The following FAM180A variants were observed in gnomAD, a reference collection of about 807,000 sequenced individuals.
FAM180A encodes family with sequence similarity 180 member A.
A neutral mutation model predicts 15.3 loss-of-function variants in FAM180A; 14 were observed. The ratio of observed to expected loss-of-function variants is 0.92; its 90% CI spans 0.61 to 1.43. The LOEUF (loss-of-function observed/expected upper bound fraction) is 1.43, where lower values mean the gene tolerates loss of function less well. FAM180A is among the 40% of genes most tolerant of loss of function. The pLI, the probability that FAM180A is intolerant of heterozygous loss-of-function variation, is 0.00. For synonymous variants in FAM180A, 90 were observed against 96.8 expected, an observed-to-expected ratio of 0.93 and a Z score of 0.41; for missense variants, 200 against 220.8, an observed-to-expected ratio of 0.91 and a Z score of 0.60.
intron 1 of FAM180A, among the ~76,000 whole-genome samples, chr7:135,743,574 C>T (rs1277720915): frequency 1.3e-5 from 2 of 152,168 alleles, no homozygotes; most frequent in South Asian, 2.1e-4. Context: ...GCCTATTGCA[C>T]ACCTGCCCCT....
chr7:135,731,577 C>G (rs1796783070), intron 3 of FAM180A, among the ~76,000 whole-genome samples: 1 of 151,860 alleles, frequency 6.6e-6, no homozygotes, highest in South Asian at 2.1e-4. Context: ...GTGACCATGT[C>G]AGAGAGAATA....
chr7:135,746,918 G>A (rs543647466), intron 1 of FAM180A, among the ~76,000 whole-genome samples: 3 of 152,218 alleles, frequency 2.0e-5, no homozygotes, highest in East Asian at 3.9e-4. Flanking sequence ...TGGCCAACAT[G>A]GTGAAACCCC....
At chr7:135,741,360 C>A (rs73160765) in intron 1 of FAM180A, among the ~76,000 whole-genome samples, 2,736 of 152,126 alleles carry the variant, frequency 0.018, 37 homozygotes, top group South Asian at 0.033. Context: ...CAAAAATTAA[C>A]TGGGTGTGGT....
intron 2 of FAM180A, among the ~76,000 whole-genome samples, chr7:135,736,761 C>G (rs926734888): frequency 3.3e-5 from 5 of 152,192 alleles, no homozygotes; most frequent in Non-Finnish European, 7.3e-5. Flanking sequence ...CATTTCCTGG[C>G]AAGTCCTGCC....
rs769517823 is a variant in FAM180A, at chr7:135,748,605, C to T, written c.-25G>A. On this transcript the variant is annotated 5_prime_UTR_variant, in exon 1 of 4. Transcript: ENST00000338588. ...TCTTGTCCTTCAAAAGGTGAAAAAT[C>T]GACCCTCAAGCCCAGTGGAACCCCA... 6.2e-6 allele frequency: 10 copies of T among 1,604,670 alleles called. No homozygotes were observed. Among genetic ancestry groups the T allele is most frequent in the Admixed American group, 3.3e-5 (2 of 59,998 alleles).
intron 1 of FAM180A, among the ~76,000 whole-genome samples, chr7:135,743,524 G>T (rs963150445): frequency 1.3e-5 from 2 of 152,022 alleles, no homozygotes; most frequent in South Asian, 4.2e-4. Context: ...GCCCCTTATT[G>T]TTCCTTTGCA....
chr7:135,734,435 AAG>A, intron 2 of FAM180A, 116 bp from the exon 3 acceptor site: 1 of 941,540 alleles, frequency 1.1e-6, no homozygotes, highest in Non-Finnish European at 1.5e-6. Context: ...TTTGGAACTC[AAG>A]AGAGTTCCAG....
chr7:135,741,174 G>T (rs1279872078), intron 1 of FAM180A, among the ~76,000 whole-genome samples: 1 of 152,166 alleles, frequency 6.6e-6, no homozygotes, highest in Non-Finnish European at 1.5e-5. Context: ...GGTACCCCTA[G>T]TTCTCAAAGA....
chr7:135,733,860 C>A lies in FAM180A; in HGVS notation c.*115G>T. 6.9e-7 allele frequency: 1 copy of A among 1,438,892 alleles called. No individual in the cohort carries two copies. The highest frequency in any genetic ancestry group is 2.5e-5 in the East Asian group (1 of 40,006). 89.1% of individuals were successfully genotyped at this position (1,438,892 alleles called of 1,614,324 possible). On this transcript the variant is annotated 3_prime_UTR_variant, in exon 3 of 4. Coordinates refer to ENST00000338588, the MANE Select transcript of FAM180A (RefSeq NM_205855.4). The stretch of plus-strand genomic sequence containing the variant: ...CGGGGTTACTGTTTGATCTCTGCTG[C>A]TCTGTGTCAGCGGTAAGAGTTTTGT...
chr7:135,740,564 G>C (rs1455411464), intron 1 of FAM180A, among the ~76,000 whole-genome samples: 1 of 152,254 alleles, frequency 6.6e-6, no homozygotes, highest in Middle Eastern at 3.4e-3. Context: ...CAGCTCCCAG[G>C]CTCCAGTTGG....
At chr7:135,734,628 G>C (rs1156646908) in intron 2 of FAM180A, among the ~76,000 whole-genome samples, 2 of 152,118 alleles carry the variant, frequency 1.3e-5, no homozygotes, top group African/African-American at 4.8e-5. Flanking sequence ...AGTATTTAAG[G>C]GACTAATTAT....
intron 3 of FAM180A, among the ~76,000 whole-genome samples, chr7:135,732,689 TCACACACACA>T (rs143588470): frequency 0.012 from 1,767 of 141,918 alleles, 20 homozygotes; most frequent in African/African-American, 0.026. Flanking sequence ...CGAGACTCCA[TCACACACACA>T]CACACACACA....
At position 135,737,045 on chromosome 7, in the gene FAM180A, G is replaced by T. The variant is rs925530213; in HGVS notation, c.177+54C>A. The T allele has an allele frequency of 5.0e-6, 7 of 1,410,252 alleles. No homozygotes were observed. In the African/African-American group the frequency reaches 8.4e-5, roughly 17 times the overall value. 87.4% of individuals were successfully genotyped at this position (1,410,252 alleles called of 1,614,324 possible). A position where few individuals can be genotyped will look rare whatever the true frequency, so the allele number is the denominator to read the frequency against. On this transcript the variant is annotated intron_variant, in intron 2 of 3. Transcript: ENST00000338588. ...CTTCTCCTTTTCCAAAAAAGATAGA[G>T]AAAGTGCAGAGTCTTTTGGGTGACT... is the stretch of plus-strand genomic sequence containing the variant.
At chr7:135,734,441 G>T in intron 2 of FAM180A, 122 bp from the exon 3 acceptor site, 1 of 893,182 alleles carries the variant, frequency 1.1e-6, no homozygotes, top group Non-Finnish European at 1.6e-6. Flanking sequence ...ACTCAAGAGA[G>T]TTCCAGTTCT....
chr7:135,748,616 C>T lies in FAM180A; in HGVS notation c.-36G>A, dbSNP rs773790194. 6.6e-7 allele frequency: 1 copy of T among 1,511,820 alleles called. No homozygotes were observed. Among genetic ancestry groups the T allele is most frequent in the East Asian group, 2.3e-5 (1 of 44,348 alleles). 93.7% of individuals were successfully genotyped at this position (1,511,820 alleles called of 1,614,324 possible). A position where few individuals can be genotyped will look rare whatever the true frequency, so the allele number is the denominator to read the frequency against. On this transcript the variant is annotated 5_prime_UTR_variant, in exon 1 of 4. Transcript: ENST00000338588. ...AAAAGGTGAAAAATCGACCCTCAAG[C>T]CCAGTGGAACCCCAGTAGCTGCAGG... is the stretch of plus-strand genomic sequence containing the variant.
rs1796757176 is a variant in FAM180A, at chr7:135,729,921, G to A, written c.*690C>T. ...GAATTACAAGATGAGAAAGTTCCGGGGGTCTGTTTCACAACATGCATGGAG... is the reference window on the plus strand; with the variant it reads ...GAATTACAAGATGAGAAAGTTCCGGAGGTCTGTTTCACAACATGCATGGAG... On this transcript the variant is annotated 3_prime_UTR_variant, in exon 4 of 4. Coordinates refer to ENST00000338588, the MANE Select transcript of FAM180A (RefSeq NM_205855.4). The A allele has an allele frequency of 2.7e-6, 2 of 746,430 alleles. No individual in the cohort carries two copies. The highest frequency in any genetic ancestry group is 3.8e-5 in the African/African-American group (2 of 52,340). 46.2% of individuals were successfully genotyped at this position (746,430 alleles called of 1,614,324 possible).
chr7:135,737,573 C>T (rs541685735), intron 1 of FAM180A, among the ~76,000 whole-genome samples: 84 of 121,542 alleles, frequency 6.9e-4, no homozygotes, highest in South Asian at 2.7e-3. Context: ...GGCAACAGAG[C>T]GAGACTCCAT....
In FAM180A at chr7:135,744,926, G is replaced by T. The variant is rs561341065; in HGVS notation, c.76+3579C>A. 6.5e-4 allele frequency among the ~76,000 whole-genome samples: 99 copies of T among 152,202 alleles called. No individual in the cohort carries two copies. The South Asian group carries it at 0.02, about 31-fold the overall frequency. On this transcript the variant is annotated intron_variant, in intron 1 of 3. Transcript: ENST00000338588. ...ATTTTCTTTTTGGATACAGGGTCTTGCTCCATCATCCAGGCTGGAGTGAAG... is the reference window on the plus strand; with the variant it reads ...ATTTTCTTTTTGGATACAGGGTCTTTCTCCATCATCCAGGCTGGAGTGAAG...
intron 2 of FAM180A, among the ~76,000 whole-genome samples, chr7:135,735,921 T>G (rs1796863312): frequency 6.6e-6 from 1 of 152,166 alleles, no homozygotes; most frequent in African/African-American, 2.4e-5. Flanking sequence ...CAGGCTGGTC[T>G]TGAACTCCTG....
Sources: allele counts gnomAD v4.1 joint callset (sites outside exome capture counted in the v4.1 genomes callset), GRCh38; gene constraint gnomAD v4.1.1; transcripts MANE v1.5; gene names NCBI Gene and HGNC (gene_info 2026-07-23, HGNC 2026-07-21).